RBL2: variants seen among roughly 807,000 people sequenced by gnomAD.
The protein encoded by RBL2 is RB transcriptional corepressor like 2.
A neutral mutation model predicts 126.0 loss-of-function variants in RBL2; 56 were observed. The ratio of observed to expected loss-of-function variants is 0.44; its 90% CI spans 0.36 to 0.56. The LOEUF is 0.56. RBL2 is among the 20% of genes least tolerant of loss of function. The pLI is 0.00. For synonymous variants in RBL2, 454 were observed against 478.5 expected (o/e 0.95, Z 0.67); for missense variants, 1,229 against 1,398.2 (o/e 0.88, Z 1.93).
intron 17 of RBL2, among the ~76,000 whole-genome samples, chr16:53,471,331 C>T (rs1035132199): frequency 1.3e-5 from 2 of 152,062 alleles, no homozygotes; most frequent in Admixed American, 6.5e-5. Context: ...GATTGTTTTC[C>T]AAAGTACTGT....
intron 21 of RBL2, among the ~76,000 whole-genome samples, chr16:53,485,312 T>C (rs1961121856): frequency 6.6e-6 from 1 of 152,166 alleles, no homozygotes. Context: ...TATATTTCTA[T>C]TGGTTAAAGA....
intron 17 of RBL2, among the ~76,000 whole-genome samples, chr16:53,475,603 G>A (rs1031635713): frequency 1.3e-5 from 2 of 152,018 alleles, no homozygotes; most frequent in African/African-American, 4.8e-5. Flanking sequence ...TTAAAAACCA[G>A]CTTTTTGGTT....
At chr16:53,471,301 A>G (rs1347862869) in intron 17 of RBL2, among the ~76,000 whole-genome samples, 1 of 152,158 alleles carries the variant, frequency 6.6e-6, no homozygotes, top group Admixed American at 6.5e-5. Context: ...ACTGTGTTTT[A>G]ACTATTTAGG....
In RBL2 at chr16:53,490,337, T is replaced by C; in HGVS notation, c.*37T>C. The C allele has an allele frequency of 6.6e-7, 1 of 1,511,288 alleles. No individual in the cohort carries two copies. The highest frequency in any genetic ancestry group is 1.3e-5 in the South Asian group (1 of 77,066). 93.6% of individuals were successfully genotyped at this position (1,511,288 alleles called of 1,614,324 possible). ...TGTATTAAACTCTTCACAAAATCTG[T>C]TTAGCAGCAGCCTTTAATGCATCTA... On this transcript the variant is annotated 3_prime_UTR_variant, in exon 22 of 22. Transcript: ENST00000262133.
chr16:53,456,061 A>C (rs1238483013), intron 8 of RBL2, among the ~76,000 whole-genome samples: 2 of 152,114 alleles, frequency 1.3e-5, no homozygotes, highest in Non-Finnish European at 2.9e-5. Flanking sequence ...CTGTGGGCCC[A>C]GCTACTTGCG....
chr16:53,459,914 AG>A lies in RBL2; in HGVS notation c.1346+299del, dbSNP rs979715844. Among the ~76,000 whole-genome samples, 10 of 92,286 alleles carry A rather than the reference AG, an allele frequency of 1.1e-4. No homozygotes were observed. The Admixed American group carries it at 1.5e-3, about 13-fold the overall frequency. The allele number at this position is 92,286 out of a possible 152,430, so 60.5% of individuals were successfully genotyped here. ...TCTTTCAAGATTTCAGGGAGTGGTGAGGTGGGGGCGGGGGGAAGCTCAGTGA... is the reference window on the plus strand; with the variant it reads ...TCTTTCAAGATTTCAGGGAGTGGTGAGTGGGGGCGGGGGGAAGCTCAGTGA... On this transcript the variant is annotated intron_variant, in intron 9 of 21. Transcript: ENST00000262133.
chr16:53,460,175 G>A (rs1441500055), intron 9 of RBL2, among the ~76,000 whole-genome samples: 1 of 152,128 alleles, frequency 6.6e-6, no homozygotes, highest in Non-Finnish European at 1.5e-5. Context: ...TTAATTAAAA[G>A]CCCAGTAGGC....
chr16:53,490,131 G>T lies in RBL2; in HGVS notation c.3251G>T (p.Arg1084Ile). The change falls in exon 22 of 22, where the codon AGA becomes ATA. Residue 1084 changes from arginine (R) to isoleucine (I), a missense_variant and splice_region_variant. Around this residue, in one of 2 missense-constraint regions of RBL2, gnomAD observed 1,070 missense variants for 1,274.3 expected, o/e 0.84. Transcript: ENST00000262133. ...TTTTGTATCTTTTTCCCACCATAGA[G>T]ACTGAGAGAAATTAATAGTATGATA... ...FYYFSNSPSKRLREINSMIRT... is the reference protein window; with the variant it reads ...FYYFSNSPSKILREINSMIRT... 6.4e-7 allele frequency: 1 copy of T among 1,571,780 alleles called. No individual in the cohort carries two copies. Among genetic ancestry groups the T allele is most frequent in the Non-Finnish European group, 8.7e-7 (1 of 1,155,726 alleles).
chr16:53,477,307 C>T (rs1169878687), intron 17 of RBL2, among the ~76,000 whole-genome samples: 5 of 152,148 alleles, frequency 3.3e-5, no homozygotes, highest in African/African-American at 1.2e-4. Flanking sequence ...AACTTTTGCT[C>T]TAGTAACCTT....
At chr16:53,487,371 G>A (rs1271626727) in intron 21 of RBL2, among the ~76,000 whole-genome samples, 2 of 152,294 alleles carry the variant, frequency 1.3e-5, no homozygotes, top group East Asian at 1.9e-4. Context: ...ACAGAACAGA[G>A]TCCTGAAATA....
intron 3 of RBL2, among the ~76,000 whole-genome samples, chr16:53,444,814 C>T (rs1029153119): frequency 1.2e-4 from 18 of 152,152 alleles, no homozygotes; most frequent in Non-Finnish European, 1.5e-5. Context: ...CGCCACTGCA[C>T]TCCAGCCTAG....
intron 2 of RBL2, 21 bp from the exon 3 acceptor site, chr16:53,442,637 C>A: frequency 6.4e-7 from 1 of 1,559,860 alleles, no homozygotes; most frequent in Non-Finnish European, 8.8e-7. Context: ...TATGAAATAT[C>A]TTGTTTGTCT....
In RBL2 at chr16:53,434,724, C is replaced by A; in HGVS notation, c.168C>A (p.Leu56=). The A allele has an allele frequency of 6.4e-7, 1 of 1,556,674 alleles. No individual in the cohort carries two copies. Residue 56 remains leucine (L), a synonymous_variant, in exon 1 of 22, where the codon CTC becomes CTA. Transcript: ENST00000262133. ...QQRFDELCSR[L]NMDEAARAEA... is the part of the protein sequence containing the mutation. ...GGTTCGACGAGCTGTGCAGCCGCCT[C>A]AACATGGACGAGGCGGCGCGGGCCG...
chr16:53,447,012 C>G, intron 3 of RBL2, 30 bp from the exon 4 acceptor site: 1 of 1,415,032 alleles, frequency 7.1e-7, no homozygotes, highest in African/African-American at 1.5e-5. Flanking sequence ...CTTCTGTTGT[C>G]TCATGACTTT....
intron 17 of RBL2, among the ~76,000 whole-genome samples, chr16:53,478,565 A>C (rs1266240421): frequency 7.0e-5 from 5 of 71,068 alleles, no homozygotes; most frequent in African/African-American, 2.2e-4. Context: ...TTTTTTTGCT[A>C]GTTCAAATCT....
In RBL2 at chr16:53,434,675, C is replaced by G; in HGVS notation, c.119C>G (p.Ser40Trp). The change falls in exon 1 of 22, where the codon TCG (serine) becomes TGG (tryptophan). Residue 40 changes from serine to tryptophan, a missense_variant. Coordinates refer to ENST00000262133, the MANE Select transcript of RBL2 (RefSeq NM_005611.4). ...GAAGACGCCGCGCCGCCTGCCGAGT[C>G]GCCCACCCCTCAGATCCAGCAGCGG... is the stretch of plus-strand genomic sequence containing the variant. The part of the protein sequence containing the change: ...EAEDAAPPAE[S>W]PTPQIQQRFD... 1 of 1,572,852 alleles carries G rather than the reference C, an allele frequency of 6.4e-7. No homozygotes were observed. The highest frequency in any genetic ancestry group is 8.6e-7 in the Non-Finnish European group (1 of 1,168,936).
intron 8 of RBL2, 121 bp downstream of exon 8, chr16:53,454,963 A>T: frequency 2.7e-6 from 2 of 729,900 alleles, no homozygotes; most frequent in South Asian, 6.7e-5. Flanking sequence ...GAAAATTCTC[A>T]TCATACTTCT....
chr16:53,483,038 A>T (rs7199401), intron 21 of RBL2, among the ~76,000 whole-genome samples: 73,646 of 151,044 alleles, frequency 0.49, 18,829 homozygotes, highest in African/African-American at 0.62. Flanking sequence ...ATTTTTTTTT[A>T]AAAGTTTCTT....
intron 8 of RBL2, among the ~76,000 whole-genome samples, chr16:53,456,208 G>T (rs2058166561): frequency 6.6e-6 from 1 of 151,756 alleles, no homozygotes; most frequent in South Asian, 2.1e-4. Flanking sequence ...AAAAAGAAAT[G>T]CAGGGAAGAG....
Sources: gnomAD v4.1 joint callset for allele counts (sites outside exome capture counted in the v4.1 genomes callset) on GRCh38, gnomAD v4.1.1 for gene constraint, gnomAD v4.1.1 regional missense constraint, MANE v1.5 for transcripts, NCBI Gene and HGNC (gene_info 2026-07-23, HGNC 2026-07-21) for gene names.